Variants in TMTC1 observed in about 807,000 individuals in gnomAD.
TMTC1 encodes the protein transmembrane O-mannosyltransferase targeting cadherins 1.
In TMTC1, 73 loss-of-function variants were observed where a neutral mutation model predicts 104.8. The ratio of observed to expected loss-of-function variants is 0.70; its 90% confidence interval spans 0.58 to 0.85. TMTC1 has a LOEUF of 0.85. TMTC1 is among the 40% of genes least tolerant of loss of function. TMTC1 has a pLI of 0.00. For synonymous variants in TMTC1, 434 were observed against 428.7 expected (o/e 1.01, Z -0.15); for missense variants, 1,035 against 1,096.1 (o/e 0.94, Z 0.79).
intron 10 of TMTC1, among the ~76,000 whole-genome samples, chr12:29,548,940 A>C (rs1244918600): frequency 6.9e-6 from 1 of 144,558 alleles, no homozygotes; most frequent in Non-Finnish European, 1.5e-5. Context: ...TATGTAAATA[A>C]TATATAATAT....
chr12:29,687,905 C>G (rs1941146068), intron 5 of TMTC1, among the ~76,000 whole-genome samples: 1 of 152,186 alleles, frequency 6.6e-6, no homozygotes, highest in African/African-American at 2.4e-5. Context: ...GGGCCCCACC[C>G]TTACAACTTC....
At chr12:29,670,944 G>GAAAAAA (rs58358262) in intron 5 of TMTC1, among the ~76,000 whole-genome samples, 1 of 62,604 alleles carries the variant, frequency 1.6e-5, no homozygotes, top group Non-Finnish European at 3.8e-5. Flanking sequence ...CAAAAAAAAA[G>GAAAAAA]AAAAAAAAGG....
At chr12:29,530,551 G>T (rs949697072) in intron 11 of TMTC1, among the ~76,000 whole-genome samples, 1 of 152,176 alleles carries the variant, frequency 6.6e-6, no homozygotes, top group Non-Finnish European at 1.5e-5. Flanking sequence ...ATGCATGTTT[G>T]CTTACTACGC....
At chr12:29,574,531 A>T (rs1011367791) in intron 8 of TMTC1, among the ~76,000 whole-genome samples, 1 of 152,212 alleles carries the variant, frequency 6.6e-6, no homozygotes, top group Non-Finnish European at 1.5e-5. Context: ...ACATTTATTG[A>T]CATTTATTTC....
intron 7 of TMTC1, among the ~76,000 whole-genome samples, chr12:29,589,120 C>A (rs543680855): frequency 6.6e-6 from 1 of 152,208 alleles, no homozygotes; most frequent in Non-Finnish European, 1.5e-5. Flanking sequence ...ATTTACTGAG[C>A]GTGAGAAGAA....
In TMTC1 at chr12:29,536,206, T is replaced by C. The variant is rs189009443; in HGVS notation, c.1785+3A>G. On this transcript the variant is annotated splice_donor_region_variant and intron_variant, in intron 11 of 17. Coordinates refer to ENST00000539277, the MANE Select transcript of TMTC1 (RefSeq NM_001193451.2). Reference sequence around the variant, plus strand: ...GAAAAAAACTACTGTGTGAAACAATTACCTGCTCAGCCAATAACGAAGCTA... The same window carrying C: ...GAAAAAAACTACTGTGTGAAACAATCACCTGCTCAGCCAATAACGAAGCTA... 5.8e-4 allele frequency: 925 copies of C among 1,588,674 alleles called. 1 individual carries two copies. The highest frequency in any genetic ancestry group is 7.6e-4 in the Non-Finnish European group (881 of 1,157,554).
At chr12:29,766,345 T>G (rs1460886284) in intron 2 of TMTC1, among the ~76,000 whole-genome samples, 1 of 152,226 alleles carries the variant, frequency 6.6e-6, no homozygotes, top group Admixed American at 6.5e-5. Flanking sequence ...AGACTTCTTG[T>G]GTCCATTCAA....
chr12:29,609,088 C>A (rs1265543708), intron 6 of TMTC1, among the ~76,000 whole-genome samples: 3 of 152,128 alleles, frequency 2.0e-5, no homozygotes, highest in African/African-American at 4.8e-5. Flanking sequence ...GGAAAATAGG[C>A]TTATTATAGT....
At chr12:29,512,776 G>T (rs977931714) in intron 16 of TMTC1, among the ~76,000 whole-genome samples, 11 of 152,084 alleles carry the variant, frequency 7.2e-5, no homozygotes, top group African/African-American at 2.2e-4. Flanking sequence ...GTGATGTGTG[G>T]TATATTTTTA....
At chr12:29,775,449 G>C (rs1170562866) in intron 1 of TMTC1, among the ~76,000 whole-genome samples, 1 of 152,112 alleles carries the variant, frequency 6.6e-6, no homozygotes, top group Non-Finnish European at 1.5e-5. Context: ...TCATTCATTA[G>C]AACAACTCAG....
chr12:29,703,972 T>C (rs1941672178), intron 5 of TMTC1, among the ~76,000 whole-genome samples: 1 of 152,284 alleles, frequency 6.6e-6, no homozygotes, highest in East Asian at 1.9e-4. Context: ...AACTGAATCA[T>C]GGGGTCAGGT....
intron 1 of TMTC1, among the ~76,000 whole-genome samples, chr12:29,770,061 A>T (rs925113927): frequency 6.6e-6 from 1 of 152,106 alleles, no homozygotes; most frequent in African/African-American, 2.4e-5. Context: ...AACAAGCCAA[A>T]TCCTTGATAA....
At position 29,754,848 on chromosome 12, in the gene TMTC1, C is replaced by T. The variant is rs139712314; in HGVS notation, c.731+861G>A. On this transcript the variant is annotated intron_variant, in intron 4 of 17. Transcript: ENST00000539277. Reference sequence around the variant, plus strand: ...ATCTCAGCGTGTTGCCACTCAATATCACTGCTCTTATCTTTATGTCAAGAA... The same window carrying T: ...ATCTCAGCGTGTTGCCACTCAATATTACTGCTCTTATCTTTATGTCAAGAA... Among the ~76,000 whole-genome samples, 184 of 152,270 alleles carry T rather than the reference C, an allele frequency of 1.2e-3. 1 individual carries two copies. The highest frequency in any genetic ancestry group is 4.2e-3 in the African/African-American group (173 of 41,562).
chr12:29,689,602 C>T (rs1941203699), intron 5 of TMTC1, among the ~76,000 whole-genome samples: 2 of 152,172 alleles, frequency 1.3e-5, no homozygotes, highest in Admixed American at 6.5e-5. Context: ...ATTTCTACTG[C>T]TTTTATAAGT....
At chr12:29,598,204 A>G (rs1946464385) in intron 7 of TMTC1, among the ~76,000 whole-genome samples, 2 of 152,216 alleles carry the variant, frequency 1.3e-5, no homozygotes, top group Non-Finnish European at 1.5e-5. Context: ...CCCTGTTGAT[A>G]TTAATATTTG....
Position 29,556,850 on chromosome 12 carries a change from CACTT to C in TMTC1, c.1676+3_1676+6del, listed in dbSNP as rs771899460. On this transcript the variant is annotated splice_donor_5th_base_variant and intron_variant, in intron 10 of 17. Transcript: ENST00000539277. ...GCCACCTGATCGATGGTAAACGTCC[CACTT>C]ACTTGAGGAGATTCCCCAGATTGAA... 1 of 1,613,642 alleles carries C rather than the reference CACTT, an allele frequency of 6.2e-7. No individual in the cohort carries two copies. Among genetic ancestry groups the C allele is most frequent in the East Asian group, 2.2e-5 (1 of 44,872 alleles).
At chr12:29,647,358 C>T (rs1369053474) in intron 5 of TMTC1, among the ~76,000 whole-genome samples, 1 of 152,140 alleles carries the variant, frequency 6.6e-6, no homozygotes, top group Non-Finnish European at 1.5e-5. Context: ...AAACATGTTT[C>T]GAAGGCTTTG....
intron 6 of TMTC1, among the ~76,000 whole-genome samples, chr12:29,610,444 A>G (rs540882296): frequency 6.6e-6 from 1 of 152,366 alleles, no homozygotes; most frequent in Non-Finnish European, 1.5e-5. Context: ...TAGCTGGAGA[A>G]GAGGAAGTTT....
At position 29,725,011 on chromosome 12, in the gene TMTC1, G is replaced by GTTTTTTTTTTTTTTTTTTTTTTTTTT. The variant is rs879602127; in HGVS notation, c.938+26654_938+26655insAAAAAAAAAAAAAAAAAAAAAAAAAA. Among the ~76,000 whole-genome samples, 13 of 115,752 alleles carry GTTTTTTTTTTTTTTTTTTTTTTTTTT rather than the reference G, an allele frequency of 1.1e-4. 3 individuals carry two copies. Among genetic ancestry groups the GTTTTTTTTTTTTTTTTTTTTTTTTTT allele is most frequent in the African/African-American group, 2.5e-4 (8 of 32,318 alleles). 75.9% of individuals were successfully genotyped at this position (115,752 alleles called of 152,430 possible). A position where few individuals can be genotyped will look rare whatever the true frequency, so the allele number is the denominator to read the frequency against. ...CGTAGTTTAGCTATATATCTGCCAA[G>GTTTTTTTTTTTTTTTTTTTTTTTTTT]TTCTTTTTTTTTTTTTTTTTTTTTT... is the stretch of plus-strand genomic sequence containing the variant. On this transcript the variant is annotated intron_variant, in intron 5 of 17. Transcript: ENST00000539277.
Sources: allele counts gnomAD v4.1 joint callset (sites outside exome capture counted in the v4.1 genomes callset), GRCh38; gene constraint gnomAD v4.1.1; transcripts MANE v1.5; gene names NCBI Gene and HGNC (gene_info 2026-07-23, HGNC 2026-07-21).